The following ADARB2 variants were observed in gnomAD, a reference collection of about 807,000 sequenced individuals.
ADARB2 encodes the protein inactive double-stranded RNA-specific editase B2.
In ADARB2, 25 loss-of-function variants were observed where a neutral mutation model predicts 62.2. That is an observed-to-expected ratio of 0.40 (90% CI 0.29 to 0.56). ADARB2 has a LOEUF of 0.56. ADARB2 is among the 20% of genes least tolerant of loss of function. The pLI is 0.43. For synonymous variants in ADARB2, 572 were observed against 500.8 expected, an observed-to-expected ratio of 1.14 and a Z score of -1.90; for missense variants, 1,071 against 1,077.4, an observed-to-expected ratio of 0.99 and a Z score of 0.08.
chr10:1,526,744 A>G lies in ADARB2; in HGVS notation c.101-147584T>C, dbSNP rs181660161. 263 of 393,654 alleles carry G rather than the reference A, an allele frequency of 6.7e-4. 1 individual carries two copies. Among genetic ancestry groups the G allele is most frequent in the African/African-American group, 5.1e-3 (242 of 47,378 alleles). 24.4% of individuals were successfully genotyped at this position (393,654 alleles called of 1,614,324 possible). ...CACCCAGCCTCGGGTGTTCCTTTCT[A>G]GCAACACACACGGACTGAGCCGGAT... is the stretch of plus-strand genomic sequence containing the variant. On this transcript the variant is annotated intron_variant, in intron 1 of 9. Transcript: ENST00000381312.
intron 4 of ADARB2, among the ~76,000 whole-genome samples, chr10:1,269,469 T>C (rs920028988): frequency 6.6e-6 from 1 of 152,254 alleles, no homozygotes; most frequent in Non-Finnish European, 1.5e-5. Flanking sequence ...GTACTTGCCA[T>C]GGGCTAGGTA....
intron 1 of ADARB2, among the ~76,000 whole-genome samples, chr10:1,442,055 T>C (rs1476654594): frequency 6.6e-6 from 1 of 152,240 alleles, no homozygotes; most frequent in East Asian, 1.9e-4. Flanking sequence ...AGGATCTTTC[T>C]CTAACTTGCC....
intron 1 of ADARB2, among the ~76,000 whole-genome samples, chr10:1,528,520 T>C (rs1588288864): frequency 2.0e-5 from 3 of 152,346 alleles, no homozygotes; most frequent in East Asian, 1.9e-4. Context: ...TCCTGTTTTA[T>C]AGAGGTAAAC....
chr10:1,218,457 A>T (rs12770636), intron 6 of ADARB2, among the ~76,000 whole-genome samples: 42,258 of 152,254 alleles, frequency 0.28, 7,140 homozygotes, highest in South Asian at 0.45. Flanking sequence ...ATTTACATAC[A>T]TATGATAACG....
chr10:1,361,472 G>A (rs913637066), intron 3 of ADARB2: 1 of 152,120 alleles, frequency 6.6e-6, no homozygotes, highest in African/African-American at 2.4e-5. Context: ...TGGAGATTGT[G>A]GTCTAAATGC....
At chr10:1,213,471 C>T (rs4880793) in intron 7 of ADARB2, among the ~76,000 whole-genome samples, 1 of 152,172 alleles carries the variant, frequency 6.6e-6, no homozygotes, top group Non-Finnish European at 1.5e-5. Context: ...AGGGGCATTT[C>T]AAGCCTTGCC....
intron 1 of ADARB2, among the ~76,000 whole-genome samples, chr10:1,645,924 G>A (rs868518618): frequency 1.3e-5 from 2 of 152,174 alleles, no homozygotes; most frequent in Non-Finnish European, 1.5e-5. Context: ...GGGAAGGTGC[G>A]CTGTGAGGTG....
chr10:1,593,371 C>T (rs960520407), intron 1 of ADARB2, among the ~76,000 whole-genome samples: 1 of 152,168 alleles, frequency 6.6e-6, no homozygotes. Context: ...CTGGCATGGT[C>T]CCCTCTGTCA....
rs541662703 is a variant in ADARB2, at chr10:1,255,751, C to T, written c.1193-13452G>A. Among the ~76,000 whole-genome samples the T allele has an allele frequency of 5.9e-5, 9 of 152,200 alleles. No individual in the cohort carries two copies. The highest frequency in any genetic ancestry group is 3.9e-4 in the East Asian group (2 of 5,192). On this transcript the variant is annotated intron_variant, in intron 4 of 9. Coordinates refer to ENST00000381312, the MANE Select transcript of ADARB2 (RefSeq NM_018702.4). This position sits in a 1 kb window ranked among gnomAD's most constrained non-coding sequence, Gnocchi z 4.7. ...TGCATGGTTCGCTAGACAGTGTGAC[C>T]TCATGAGAGTGGAGGGGATCCCTCC...
chr10:1,688,926 C>G (rs893613395), intron 1 of ADARB2, among the ~76,000 whole-genome samples: 1 of 152,114 alleles, frequency 6.6e-6, no homozygotes. Flanking sequence ...AACATTTTCA[C>G]AAAGAATACA....
Position 1,434,271 on chromosome 10 carries a change from T to C in ADARB2, c.101-55111A>G, listed in dbSNP as rs1830811766. Among the ~76,000 whole-genome samples, 3 of 152,204 alleles carry C rather than the reference T, an allele frequency of 2.0e-5. No individual in the cohort carries two copies. The South Asian group carries it at 6.2e-4, about 32-fold the overall frequency. ...CCGGTATGAGAAATTCCACATTAAC[T>C]GTAATTTGAAAATGTTTTGCCTCTC... On this transcript the variant is annotated intron_variant, in intron 1 of 9. Coordinates refer to ENST00000381312, the MANE Select transcript of ADARB2 (RefSeq NM_018702.4).
At chr10:1,489,056 G>A (rs1831587962) in intron 1 of ADARB2, among the ~76,000 whole-genome samples, 1 of 152,250 alleles carries the variant, frequency 6.6e-6, no homozygotes, top group Non-Finnish European at 1.5e-5. Flanking sequence ...TGCGCACCTC[G>A]GATCAGTGAG....
Position 1,225,312 on chromosome 10 carries a change from G to C in ADARB2, c.1514-8193C>G, listed in dbSNP as rs1178633585. Among the ~76,000 whole-genome samples, 8 of 151,668 alleles carry C rather than the reference G, an allele frequency of 5.3e-5. No individual in the cohort carries two copies. In the East Asian group the frequency reaches 5.8e-4, roughly 11 times the overall value. The stretch of plus-strand genomic sequence containing the variant: ...CTTTGAGCCTATGTGTGTCTCTGCA[G>C]CTGAGATGGGTTTCCTGAATACAGC... On this transcript the variant is annotated intron_variant, in intron 6 of 9. Coordinates refer to ENST00000381312, the MANE Select transcript of ADARB2 (RefSeq NM_018702.4).
chr10:1,589,720 C>G (rs1443777407), intron 1 of ADARB2, among the ~76,000 whole-genome samples: 3 of 152,316 alleles, frequency 2.0e-5, no homozygotes, highest in Non-Finnish European at 2.9e-5. Context: ...GTCGCCCAGT[C>G]TGGAGTGCAA....
At chr10:1,423,051 G>A (rs527563612) in intron 1 of ADARB2, among the ~76,000 whole-genome samples, 3 of 152,186 alleles carry the variant, frequency 2.0e-5, no homozygotes, top group Admixed American at 2.0e-4. Context: ...TTTGCCTTGT[G>A]CATTTCTCCT....
chr10:1,380,398 C>A (rs1300772043), intron 1 of ADARB2, among the ~76,000 whole-genome samples: 2 of 152,250 alleles, frequency 1.3e-5, no homozygotes, highest in Non-Finnish European at 2.9e-5. Flanking sequence ...CCCAGGAGGT[C>A]ACTGAGTTTA....
intron 1 of ADARB2, among the ~76,000 whole-genome samples, chr10:1,641,723 G>A (rs1207198522): frequency 2.6e-5 from 4 of 152,178 alleles, no homozygotes; most frequent in Admixed American, 2.6e-4. Context: ...TTTAAAAAAT[G>A]TGTTCCTGGC....
chr10:1,616,573 A>G (rs111383286), intron 1 of ADARB2, among the ~76,000 whole-genome samples: 5 of 103,578 alleles, frequency 4.8e-5, no homozygotes, highest in Non-Finnish European at 5.6e-5. Flanking sequence ...ACTCCGCACC[A>G]CCCTGCTGTG....
intron 1 of ADARB2, among the ~76,000 whole-genome samples, chr10:1,558,956 T>C (rs2097247399): frequency 6.6e-6 from 1 of 152,262 alleles, no homozygotes; most frequent in Admixed American, 6.5e-5. Flanking sequence ...TTGTTCACGT[T>C]TGGACTCAAA....
Sources: gnomAD v4.1 joint callset for allele counts (sites outside exome capture counted in the v4.1 genomes callset) on GRCh38, gnomAD v4.1.1 for gene constraint, Gnocchi (gnomAD v3.1) non-coding constraint, MANE v1.5 for transcripts, NCBI Gene and HGNC (gene_info 2026-07-23, HGNC 2026-07-21) for gene names.